IL1RAP: variants seen among roughly 807,000 people sequenced by gnomAD.
The protein encoded by IL1RAP is interleukin-1 receptor accessory protein.
Under a neutral mutation model 60.7 loss-of-function variants are expected in IL1RAP, and 35 were observed. The observed-to-expected ratio is 0.58, with a 90% confidence interval of 0.44 to 0.76. The LOEUF is 0.76. IL1RAP is among the 30% of genes least tolerant of loss of function. The pLI is 0.00. For missense variants in IL1RAP, 572 were observed against 693.9 expected (o/e 0.82, Z 1.97); for synonymous variants, 268 against 250.9 (o/e 1.07, Z -0.64).
chr3:190,564,323 T>G lies in IL1RAP; in HGVS notation c.34T>G (p.Phe12Val), dbSNP rs1221801860. The change falls in exon 3 of 12, where the codon TTT becomes GTT. Residue 12 changes from phenylalanine (F) to valine (V), a missense_variant. Transcript: ENST00000447382. ...TLLWCVVSLY[F>V]YGILQSDASE... is the part of the protein sequence containing the mutation. ...TCTGTGGTGTGTAGTGAGTCTCTAC[T>G]TTTATGGAATCCTGCAAAGTGATGC... 6.2e-7 allele frequency: 1 copy of G among 1,612,298 alleles called. No individual in the cohort carries two copies. Among genetic ancestry groups the G allele is most frequent in the South Asian group, 1.1e-5 (1 of 91,046 alleles).
chr3:190,563,884 C>A, intron 2 of IL1RAP: 1 of 164,124 alleles, frequency 6.1e-6, no homozygotes. Context: ...GTCAAAAAAT[C>A]CAGATGAATA....
chr3:190,577,280 T>C (rs1727574536), intron 3 of IL1RAP, among the ~76,000 whole-genome samples: 1 of 152,138 alleles, frequency 6.6e-6, no homozygotes, highest in Non-Finnish European at 1.5e-5. Flanking sequence ...GCAGAACTAG[T>C]GTGAAACCTT....
At chr3:190,528,988 AT>A (rs1405387674) in intron 1 of IL1RAP, among the ~76,000 whole-genome samples, 1 of 152,172 alleles carries the variant, frequency 6.6e-6, no homozygotes, top group Non-Finnish European at 1.5e-5. Context: ...TATTTGGGAG[AT>A]GAGAGAACAG....
chr3:190,623,706 C>T lies in IL1RAP; in HGVS notation c.775+291C>T, dbSNP rs114315383. On this transcript the variant is annotated intron_variant, in intron 7 of 11. Coordinates refer to ENST00000447382, the MANE Select transcript of IL1RAP (RefSeq NM_002182.4). ...GATGCAAACTTTAGCTTGCACAGGG[C>T]TTTGGTTTGCCAAGGCTGCAACATG... 1.6e-3 allele frequency among the ~76,000 whole-genome samples: 244 copies of T among 152,294 alleles called. 4 individuals are homozygous for T. The highest frequency in any genetic ancestry group is 5.7e-3 in the African/African-American group (236 of 41,570).
Position 190,591,605 on chromosome 3 carries a change from C to T in IL1RAP, c.65-12523C>T, listed in dbSNP as rs76105442. ...ACATGTGAAATAACTTTATTTCATG[C>T]GCTGTCAGTCTTGAATGGAAATTTC... On this transcript the variant is annotated intron_variant, in intron 3 of 11. Coordinates refer to ENST00000447382, the MANE Select transcript of IL1RAP (RefSeq NM_002182.4). Among the ~76,000 whole-genome samples, 793 of 152,158 alleles carry T rather than the reference C, an allele frequency of 5.2e-3. 6 individuals are homozygous for T. Among genetic ancestry groups the T allele is most frequent in the African/African-American group, 0.018 (753 of 41,484 alleles).
At chr3:190,534,553 C>T (rs1723269247) in intron 1 of IL1RAP, among the ~76,000 whole-genome samples, 1 of 152,206 alleles carries the variant, frequency 6.6e-6, no homozygotes, top group Admixed American at 6.5e-5. Context: ...GGGAAAAGAA[C>T]AGCAACTTCA....
chr3:190,597,171 T>C (rs1467677379), intron 3 of IL1RAP, among the ~76,000 whole-genome samples: 1 of 152,224 alleles, frequency 6.6e-6, no homozygotes, highest in East Asian at 1.9e-4. Context: ...ATGTATTGAA[T>C]TTAATTGAAG....
intron 9 of IL1RAP, among the ~76,000 whole-genome samples, chr3:190,641,323 A>G (rs1211492892): frequency 2.6e-5 from 4 of 151,980 alleles, no homozygotes; most frequent in Admixed American, 6.6e-5. Context: ...TTGTCAAAAC[A>G]CCTGAGGGTC....
At chr3:190,639,855 GC>G (rs1206377257) in intron 9 of IL1RAP, among the ~76,000 whole-genome samples, 1 of 152,132 alleles carries the variant, frequency 6.6e-6, no homozygotes, top group Non-Finnish European at 1.5e-5. Context: ...TACTTCTAAA[GC>G]ATGTCATACC....
At chr3:190,554,634 C>T (rs1034553487) in intron 1 of IL1RAP, 1 of 152,056 alleles carries the variant, frequency 6.6e-6, no homozygotes, top group African/African-American at 2.4e-5. Context: ...GCCATGCAGT[C>T]CTTTTGCAGA....
downstream of IL1RAP, among the ~76,000 whole-genome samples, chr3:190,654,912 T>G (rs1055907323): frequency 7.2e-5 from 11 of 152,242 alleles, no homozygotes; most frequent in African/African-American, 2.4e-4. Flanking sequence ...TTGGGATCTG[T>G]CCAAATCCAC....
chr3:190,522,141 C>A (rs1401022779), intron 1 of IL1RAP, among the ~76,000 whole-genome samples: 1 of 152,034 alleles, frequency 6.6e-6, no homozygotes, highest in African/African-American at 2.4e-5. Flanking sequence ...GTGGTGGGGG[C>A]AGCAGATTGA....
intron 1 of IL1RAP, among the ~76,000 whole-genome samples, chr3:190,552,912 G>A (rs1179608231): frequency 1.3e-5 from 2 of 152,176 alleles, no homozygotes; most frequent in Admixed American, 6.5e-5. Flanking sequence ...ATTAAGCTGA[G>A]CGGTCCTTAA....
chr3:190,516,906 T>C (rs1721573415), intron 1 of IL1RAP, among the ~76,000 whole-genome samples: 1 of 152,204 alleles, frequency 6.6e-6, no homozygotes, highest in Non-Finnish European at 1.5e-5. Context: ...AGAGGTCATG[T>C]GTTAGTATGT....
chr3:190,602,844 A>G (rs1194531753), intron 3 of IL1RAP, among the ~76,000 whole-genome samples: 13 of 152,214 alleles, frequency 8.5e-5, no homozygotes, highest in Non-Finnish European at 1.5e-5. Context: ...GTGTATGTGC[A>G]TATGTTAGGG....
In IL1RAP at chr3:190,568,338, G is replaced by A. The variant is rs966299385; in HGVS notation, c.64+3985G>A. Among the ~76,000 whole-genome samples, 31 of 152,160 alleles carry A rather than the reference G, an allele frequency of 2.0e-4. 2 individuals are homozygous for A. Among genetic ancestry groups the A allele is most frequent in the Non-Finnish European group, 1.5e-5 (1 of 68,028 alleles). ...GTGGCCCAAGTGCTCATGATAGCCTGGCTTGCCTGATAGAGCCAGGCTGCC... is the reference window on the plus strand; with the variant it reads ...GTGGCCCAAGTGCTCATGATAGCCTAGCTTGCCTGATAGAGCCAGGCTGCC... On this transcript the variant is annotated intron_variant, in intron 3 of 11. Transcript: ENST00000447382.
At chr3:190,522,916 T>G (rs1014917021) in intron 1 of IL1RAP, among the ~76,000 whole-genome samples, 5 of 152,130 alleles carry the variant, frequency 3.3e-5, no homozygotes, top group African/African-American at 1.2e-4. Flanking sequence ...TGTAGGGGTT[T>G]GAATTTGGAT....
intron 9 of IL1RAP, chr3:190,629,709 A>T (rs1468806272): frequency 7.9e-7 from 1 of 1,259,426 alleles, no homozygotes; most frequent in Admixed American, 3.9e-5. Flanking sequence ...TAGTACCGTA[A>T]TGCCCAAATG....
intron 3 of IL1RAP, among the ~76,000 whole-genome samples, chr3:190,573,101 GAT>G: frequency 9.6e-5 from 5 of 52,160 alleles, no homozygotes; most frequent in Non-Finnish European, 1.9e-4. Flanking sequence ...CTGACCTCGT[GAT>G]CCGCCCGCCT....
Sources: allele counts gnomAD v4.1 joint callset (sites outside exome capture counted in the v4.1 genomes callset), GRCh38; gene constraint gnomAD v4.1.1; transcripts MANE v1.5; gene names NCBI Gene and HGNC (gene_info 2026-07-23, HGNC 2026-07-21).